Variants in U2SURP observed in about 807,000 individuals in gnomAD.
The protein encoded by U2SURP is U2 snRNP-associated SURP motif-containing protein.
U2SURP carries 9 observed loss-of-function variants against 144.9 expected under a neutral mutation model. The observed-to-expected ratio is 0.06, with a 90% CI of 0.04 to 0.11. U2SURP has a LOEUF of 0.11. U2SURP is among the 10% of genes least tolerant of loss of function. U2SURP has a pLI of 1.00. For missense variants in U2SURP, 724 were observed against 1,226.7 expected, an observed-to-expected ratio of 0.59 and a Z score of 6.12; for synonymous variants, 408 against 396.8, an observed-to-expected ratio of 1.03 and a Z score of -0.33.
intron 6 of U2SURP, among the ~76,000 whole-genome samples, chr3:143,018,563 A>G (rs141529984): frequency 4.5e-4 from 69 of 152,132 alleles, no homozygotes; most frequent in Middle Eastern, 6.8e-3. Context: ...TCTTGGATAC[A>G]TGTATATACA....
chr3:143,010,797 T>C lies in U2SURP; in HGVS notation c.46-18T>C. 1.3e-6 allele frequency: 2 copies of C among 1,594,826 alleles called. No individual in the cohort carries two copies. Among genetic ancestry groups the C allele is most frequent in the Non-Finnish European group, 1.7e-6 (2 of 1,167,510 alleles). ...TAAGACATTTTAAATTATTGACTTT[T>C]ATTTTTGATACTTGTAGACGAGATC... On this transcript the variant is annotated intron_variant, in intron 1 of 27. Coordinates refer to ENST00000473835, the MANE Select transcript of U2SURP (RefSeq NM_001080415.2).
intron 1 of U2SURP, among the ~76,000 whole-genome samples, chr3:143,006,629 C>T (rs1175273002): frequency 1.3e-5 from 2 of 152,224 alleles, no homozygotes; most frequent in East Asian, 3.9e-4. Flanking sequence ...GTGGCACATG[C>T]TACTCGGGAG....
At position 143,016,849 on chromosome 3, in the gene U2SURP, T is replaced by C. The variant is rs1936395907; in HGVS notation, c.444T>C (p.His148=). 6.4e-7 allele frequency: 1 copy of C among 1,552,912 alleles called. No homozygotes were observed. The highest frequency in any genetic ancestry group is 8.6e-7 in the Non-Finnish European group (1 of 1,158,502). ...TAGTATTTTAAATTTCAGAAGAACA[T>C]GAAACAGATGAAAAAAGAGGTAAAA... ...GGVVNAAKEE[H]ETDEKRGKIY... The change falls in exon 6 of 28, where the codon CAT becomes CAC. Residue 148 remains histidine, a synonymous_variant. Coordinates refer to ENST00000473835, the MANE Select transcript of U2SURP (RefSeq NM_001080415.2).
chr3:143,018,189 T>C (rs1343875732), intron 6 of U2SURP, among the ~76,000 whole-genome samples: 1 of 152,188 alleles, frequency 6.6e-6, no homozygotes, highest in Non-Finnish European at 1.5e-5. Context: ...CCATTATCAG[T>C]CACTCCCATT....
intron 23 of U2SURP, among the ~76,000 whole-genome samples, chr3:143,041,055 T>C (rs1322961071): frequency 6.6e-6 from 1 of 151,308 alleles, no homozygotes; most frequent in African/African-American, 2.4e-5. Flanking sequence ...CCAAAGAATA[T>C]TTGAAATTGC....
chr3:143,003,582 A>G lies in U2SURP; in HGVS notation c.45+1909A>G, dbSNP rs564809099. Among the ~76,000 whole-genome samples the G allele has an allele frequency of 3.0e-4, 46 of 152,148 alleles. No individual in the cohort carries two copies. In the South Asian group the frequency reaches 8.7e-3, roughly 29 times the overall value. ...GGAAATCAAAAGTTCTTAGCTTTCA[A>G]AATGTCAGGATAAATTTTAATCCTG... On this transcript the variant is annotated intron_variant, in intron 1 of 27. Coordinates refer to ENST00000473835, the MANE Select transcript of U2SURP (RefSeq NM_001080415.2).
intron 18 of U2SURP, 137 bp from the exon 19 acceptor site, chr3:143,034,751 C>T (rs1933717734): frequency 1.7e-6 from 1 of 599,994 alleles, no homozygotes; most frequent in Non-Finnish European, 2.9e-6. Context: ...AGAGTTTAAA[C>T]ACCTAGTTTT....
rs1935187484 is a variant in U2SURP, at chr3:143,057,133, A to T, written c.*683A>T. The T allele has an allele frequency of 6.6e-6, 1 of 152,446 alleles. No homozygotes were observed. Among genetic ancestry groups the T allele is most frequent in the African/African-American group, 2.4e-5 (1 of 41,438 alleles). 9.4% of individuals were successfully genotyped at this position (152,446 alleles called of 1,614,324 possible). On this transcript the variant is annotated 3_prime_UTR_variant, in exon 28 of 28. Transcript: ENST00000473835. The stretch of plus-strand genomic sequence containing the variant: ...GTTTTGTTAGTGGAATGCCTGGCTA[A>T]AACATTTTTTTCACAGAAGCAATAT...
chr3:143,038,187 T>C lies in U2SURP; in HGVS notation c.2301T>C (p.Ser767=). 2 of 1,606,062 alleles carry C rather than the reference T, an allele frequency of 1.2e-6. No individual in the cohort carries two copies. Among genetic ancestry groups the C allele is most frequent in the East Asian group, 4.5e-5 (2 of 44,646 alleles). ...APSKWEAVDE[S]ELEAQAVTTS... ...CAAAATGGGAAGCTGTGGATGAATCTGAATTGGAAGCACAGGGTGAGTAAA... is the reference window on the plus strand; with the variant it reads ...CAAAATGGGAAGCTGTGGATGAATCCGAATTGGAAGCACAGGGTGAGTAAA... Residue 767 remains serine, a synonymous_variant, in exon 22 of 28, where the codon TCT becomes TCC. Coordinates refer to ENST00000473835, the MANE Select transcript of U2SURP (RefSeq NM_001080415.2).
intron 18 of U2SURP, among the ~76,000 whole-genome samples, chr3:143,034,135 G>A (rs1245158878): frequency 6.6e-6 from 1 of 152,208 alleles, no homozygotes. Context: ...TGGGCACAGT[G>A]GCTCACGCCT....
chr3:143,015,629 A>G (rs1012352747), intron 4 of U2SURP, among the ~76,000 whole-genome samples: 22 of 152,140 alleles, frequency 1.4e-4, no homozygotes, highest in African/African-American at 4.8e-4. Flanking sequence ...AAGTTTGTCT[A>G]TTTCCCACTG....
At chr3:143,034,710 A>G (rs1049771076) in intron 18 of U2SURP, 178 bp from the exon 19 acceptor site, 2 of 526,114 alleles carry the variant, frequency 3.8e-6, no homozygotes, top group South Asian at 2.5e-5. Flanking sequence ...ATTCAGAGTA[A>G]TAAGAGTTCA....
At chr3:143,010,144 A>ATT (rs1936048161) in intron 1 of U2SURP, among the ~76,000 whole-genome samples, 1 of 152,240 alleles carries the variant, frequency 6.6e-6, no homozygotes, top group African/African-American at 2.4e-5. Context: ...AGTGGCAACA[A>ATT]GTTATTGCAT....
intron 24 of U2SURP, among the ~76,000 whole-genome samples, chr3:143,044,003 T>C (rs1934263094): frequency 6.6e-6 from 1 of 152,078 alleles, no homozygotes; most frequent in African/African-American, 2.4e-5. Context: ...TCCGCCCACC[T>C]CGGCCTCCCA....
rs1249720563 is a variant in U2SURP at position 143,057,097 on chromosome 3, T to C, written c.*647T>C. 1 of 152,490 alleles carries C rather than the reference T, an allele frequency of 6.6e-6. No individual in the cohort carries two copies. The highest frequency in any genetic ancestry group is 1.5e-5 in the Non-Finnish European group (1 of 67,944). The allele number at this position is 152,490 out of a possible 1,614,324, so 9.4% of individuals were successfully genotyped here. On this transcript the variant is annotated 3_prime_UTR_variant, in exon 28 of 28. Transcript: ENST00000473835. Reference sequence around the variant, plus strand: ...ACCCAGATATCAAAGACTAGGTAGATATGGCATGGCGTTTTGTTAGTGGAA... The same window carrying C: ...ACCCAGATATCAAAGACTAGGTAGACATGGCATGGCGTTTTGTTAGTGGAA...
chr3:143,001,689 A>G lies in U2SURP; in HGVS notation c.45+16A>G. On this transcript the variant is annotated intron_variant, in intron 1 of 27. Coordinates refer to ENST00000473835, the MANE Select transcript of U2SURP (RefSeq NM_001080415.2). ...CAGTTCAAAGGTAATTTCTGACAAA[A>G]TTTCGTAAGTCAGCGGATCTACCAC... 6.2e-7 allele frequency: 1 copy of G among 1,613,626 alleles called. No homozygotes were observed. The highest frequency in any genetic ancestry group is 2.2e-5 in the East Asian group (1 of 44,870).
At chr3:143,045,111 C>T (rs1164926907) in intron 24 of U2SURP, among the ~76,000 whole-genome samples, 1 of 152,284 alleles carries the variant, frequency 6.6e-6, no homozygotes, top group East Asian at 1.9e-4. Context: ...TGGCTCATGC[C>T]TGTAATCCCA....
chr3:143,027,122 TTTTC>T, intron 13 of U2SURP, 23 bp from the exon 14 acceptor site: 1 of 1,567,012 alleles, frequency 6.4e-7, no homozygotes, highest in Non-Finnish European at 8.8e-7. Flanking sequence ...TCTGAATCCA[TTTTC>T]TTTAACTGTG....
At chr3:143,042,051 C>T (rs1158494507) in intron 23 of U2SURP, among the ~76,000 whole-genome samples, 1 of 151,998 alleles carries the variant, frequency 6.6e-6, no homozygotes, top group Non-Finnish European at 1.5e-5. Context: ...GCTTCAAGAA[C>T]ATTTGGTTAA....
Sources: gnomAD v4.1 joint callset for allele counts (sites outside exome capture counted in the v4.1 genomes callset) on GRCh38, gnomAD v4.1.1 for gene constraint, MANE v1.5 for transcripts, NCBI Gene and HGNC (gene_info 2026-07-23, HGNC 2026-07-21) for gene names.